SORL1-AS1: variants seen among roughly 807,000 people sequenced by gnomAD.
SORL1-AS1 encodes lncRNA 51 A.
In SORL1-AS1 at chr11:121,452,641, C is replaced by G. The variant is rs1860822294; in HGVS notation, n.339+34G>C. ...GGTGAGCAGTTTTGCAACCCGCCTC[C>G]CTCCAGTTTTTTCCTCTCCCTGCAC... On this transcript the variant is annotated intron_variant and non_coding_transcript_variant, in intron 1 of 1. Transcript: ENST00000501964. The surrounding 1 kb of genome is among the most constrained non-coding windows in gnomAD (Gnocchi z 5.3). The G allele has an allele frequency of 1.4e-6, 2 of 1,433,406 alleles. No individual in the cohort carries two copies. Among genetic ancestry groups the G allele is most frequent in the East Asian group, 5.7e-5 (2 of 35,222 alleles). 88.8% of individuals were successfully genotyped at this position (1,433,406 alleles called of 1,614,324 possible).
At chr11:121,446,095 T>G (rs1010111079), downstream of SORL1-AS1, among the ~76,000 whole-genome samples, 1 of 152,130 alleles carries the variant, frequency 6.6e-6, no homozygotes, top group Non-Finnish European at 1.5e-5. Flanking sequence ...TGCCGAAGGG[T>G]GTGAGGAGCG....
the SORL1-AS1 span, among the ~76,000 whole-genome samples, chr11:121,440,346 C>T: frequency 1.3e-5 from 2 of 152,152 alleles, no homozygotes; most frequent in Non-Finnish European, 2.9e-5. Context: ...TGCCCTCCAG[C>T]CTGGGCGATA....
chr11:121,442,084 C>T, the SORL1-AS1 span, among the ~76,000 whole-genome samples: 1 of 152,208 alleles, frequency 6.6e-6, no homozygotes. Context: ...CCTCCACAAC[C>T]TCACTGCCAG....
the SORL1-AS1 span, among the ~76,000 whole-genome samples, chr11:121,438,418 T>A: frequency 2.0e-5 from 3 of 152,108 alleles, no homozygotes; most frequent in Non-Finnish European, 4.4e-5. Flanking sequence ...ACCCAAAAAA[T>A]TTTCCCATGC....
In SORL1-AS1 at chr11:121,452,559, G is replaced by A; in HGVS notation, n.339+116C>T. ...GGGCGAGCCGCGCGGACGAGAAGCC[G>A]CTCCGGAGGAAACGGAGCGCTGCCC... On this transcript the variant is annotated intron_variant and non_coding_transcript_variant, in intron 1 of 1. Coordinates refer to ENST00000501964, the Ensembl canonical transcript of SORL1-AS1. The surrounding 1 kb of genome is among the most constrained non-coding windows in gnomAD (Gnocchi z 5.3). The A allele has an allele frequency of 6.6e-7, 1 of 1,512,312 alleles. No individual in the cohort carries two copies. The highest frequency in any genetic ancestry group is 8.8e-7 in the Non-Finnish European group (1 of 1,137,266). The allele number at this position is 1,512,312 out of a possible 1,614,324, so 93.7% of individuals were successfully genotyped here. A position where few individuals can be genotyped will look rare whatever the true frequency, so the allele number is the denominator to read the frequency against.
chr11:121,450,514 C>G lies in SORL1-AS1; in HGVS notation n.340-615G>C, dbSNP rs1860776199. Among the ~76,000 whole-genome samples the G allele has an allele frequency of 6.6e-6, 1 of 151,900 alleles. No individual in the cohort carries two copies. Among genetic ancestry groups the G allele is most frequent in the South Asian group, 2.1e-4 (1 of 4,814 alleles). On this transcript the variant is annotated intron_variant and non_coding_transcript_variant, in intron 1 of 1. Coordinates refer to ENST00000501964, the Ensembl canonical transcript of SORL1-AS1. This position sits in a 1 kb window ranked among gnomAD's most constrained non-coding sequence, Gnocchi z 5.2. ...ATATATGAGTTAGAGCTGAATTGCA[C>G]AATATGAGCAAGGCGTTCCTCTCAG...
At chr11:121,446,754 G>GA (rs552381479), downstream of SORL1-AS1, among the ~76,000 whole-genome samples, 2,803 of 94,320 alleles carry the variant, frequency 0.03, 66 homozygotes, top group African/African-American at 0.087. Context: ...CTTAAGAGAA[G>GA]AAAAAAAAAA....
chr11:121,452,632 AC>A lies in SORL1-AS1; in HGVS notation n.339+42del. 9.7e-6 allele frequency: 14 copies of A among 1,445,114 alleles called. No homozygotes were observed. Among genetic ancestry groups the A allele is most frequent in the Non-Finnish European group, 1.3e-5 (14 of 1,102,356 alleles). 89.5% of individuals were successfully genotyped at this position (1,445,114 alleles called of 1,614,324 possible). ...GTACGGACAGGTGAGCAGTTTTGCA[AC>A]CCGCCTCCCTCCAGTTTTTTCCTCT... On this transcript the variant is annotated intron_variant and non_coding_transcript_variant, in intron 1 of 1. Transcript: ENST00000501964. This position sits in a 1 kb window ranked among gnomAD's most constrained non-coding sequence, Gnocchi z 5.3.
At chr11:121,442,914 G>A (rs1040171742), downstream of SORL1-AS1, among the ~76,000 whole-genome samples, 1 of 150,300 alleles carries the variant, frequency 6.7e-6, no homozygotes, top group Non-Finnish European at 1.5e-5. Flanking sequence ...TCCTGACCTC[G>A]TGATCCGTCC....
chr11:121,451,800 T>C (rs1477065987), intron 1 of SORL1-AS1, among the ~76,000 whole-genome samples: 1 of 152,160 alleles, frequency 6.6e-6, no homozygotes, highest in Non-Finnish European at 1.5e-5. Flanking sequence ...TCTGTGGCTC[T>C]GGACTCTTCC....
chr11:121,443,480 T>C (rs774787121), downstream of SORL1-AS1, among the ~76,000 whole-genome samples: 47 of 152,374 alleles, frequency 3.1e-4, 1 homozygote, highest in Middle Eastern at 3.4e-3. Flanking sequence ...CCTGTTCCAT[T>C]GATGCTGGAA....
chr11:121,446,064 G>T (rs1453985646), downstream of SORL1-AS1, among the ~76,000 whole-genome samples: 9 of 152,148 alleles, frequency 5.9e-5, no homozygotes, highest in Non-Finnish European at 4.4e-5. Context: ...ATTCAAAATT[G>T]TTCCTCCTTC....
At chr11:121,440,957 T>C in the SORL1-AS1 span, among the ~76,000 whole-genome samples, 5 of 152,238 alleles carry the variant, frequency 3.3e-5, no homozygotes, top group African/African-American at 1.2e-4. Flanking sequence ...GAGTGTTGGC[T>C]GTGGCCCTTA....
rs547246687 is a variant in SORL1-AS1, at chr11:121,450,174, C to T, written n.340-275G>A. Among the ~76,000 whole-genome samples the T allele has an allele frequency of 4.0e-4, 61 of 152,322 alleles. No homozygotes were observed. Among genetic ancestry groups the T allele is most frequent in the Non-Finnish European group, 7.1e-4 (48 of 68,040 alleles). ...TTCTGCTGGGACTCTGACACTTGCTCTTGCAGAGAAGGTTCTCATTAAATA... is the reference window on the plus strand; with the variant it reads ...TTCTGCTGGGACTCTGACACTTGCTTTTGCAGAGAAGGTTCTCATTAAATA... On this transcript the variant is annotated intron_variant and non_coding_transcript_variant, in intron 1 of 1. Coordinates refer to ENST00000501964, the Ensembl canonical transcript of SORL1-AS1. This position sits in a 1 kb window ranked among gnomAD's most constrained non-coding sequence, Gnocchi z 5.2.
chr11:121,439,994 G>T, the SORL1-AS1 span, among the ~76,000 whole-genome samples: 4 of 152,170 alleles, frequency 2.6e-5, no homozygotes, highest in African/African-American at 9.7e-5. Context: ...GATTCTGGGG[G>T]AAGTTCACAG....
the SORL1-AS1 span, among the ~76,000 whole-genome samples, chr11:121,440,248 C>T: frequency 1.3e-5 from 2 of 152,182 alleles, no homozygotes; most frequent in Non-Finnish European, 2.9e-5. Flanking sequence ...TGCTACATGG[C>T]CTGTAATTCC....
At chr11:121,451,884 A>C (rs917234448) in intron 1 of SORL1-AS1, among the ~76,000 whole-genome samples, 30 of 152,052 alleles carry the variant, frequency 2.0e-4, no homozygotes, top group Non-Finnish European at 2.9e-4. Flanking sequence ...CACTCAGGAA[A>C]GTGGCCACGG....
At chr11:121,451,276 T>G (rs1197783065) in intron 1 of SORL1-AS1, among the ~76,000 whole-genome samples, 1 of 152,198 alleles carries the variant, frequency 6.6e-6, no homozygotes, top group Non-Finnish European at 1.5e-5. Context: ...TCCTTGGGCG[T>G]ACCTTAGCAG....
the SORL1-AS1 span, among the ~76,000 whole-genome samples, chr11:121,441,824 AAC>A: frequency 2.6e-5 from 4 of 152,170 alleles, no homozygotes; most frequent in Non-Finnish European, 5.9e-5. Flanking sequence ...GTGTGGGAGA[AAC>A]ACACTTTTGT....
Sources: gnomAD v4.1 joint callset for allele counts (sites outside exome capture counted in the v4.1 genomes callset) on GRCh38, gnomAD v4.1.1 for gene constraint, Gnocchi (gnomAD v3.1) non-coding constraint, MANE v1.5 for transcripts, NCBI Gene and HGNC (gene_info 2026-07-23, HGNC 2026-07-21) for gene names.